The following PRELID2 variants were observed in gnomAD, a reference collection of about 807,000 sequenced individuals.
The protein encoded by PRELID2 is PRELI domain-containing protein 2.
Under a neutral mutation model 28.4 loss-of-function variants are expected in PRELID2, and 25 were observed. That is an observed-to-expected ratio of 0.88 (90% confidence interval 0.64 to 1.23). The LOEUF (loss-of-function observed/expected upper bound fraction) is 1.23. Among genes scored for constraint, PRELID2 ranks in the 50% most tolerant of loss-of-function variants. PRELID2 has a pLI of 0.00. For missense variants in PRELID2, 201 were observed against 214.4 expected (o/e 0.94, Z 0.39); for synonymous variants, 76 against 71.6 (o/e 1.06, Z -0.31).
chr5:145,238,122 G>T, the PRELID2 span, among the ~76,000 whole-genome samples: 3 of 152,040 alleles, frequency 2.0e-5, no homozygotes, highest in South Asian at 4.2e-4. Flanking sequence ...TAACAAGTTT[G>T]GTTCCCCAAG....
chr5:145,647,968 G>C (rs540443849), intron 1 of PRELID2, among the ~76,000 whole-genome samples: 307 of 152,310 alleles, frequency 2.0e-3, no homozygotes, highest in African/African-American at 6.9e-3. Context: ...CTGTAGACCA[G>C]AGCTGTTCCT....
chr5:145,763,160 A>G (rs1389975609), intron 6 of PRELID2, among the ~76,000 whole-genome samples: 1 of 152,240 alleles, frequency 6.6e-6, no homozygotes, highest in Admixed American at 6.5e-5. Context: ...GAGACCCCTC[A>G]TTCCCTCATT....
intron 1 of PRELID2, among the ~76,000 whole-genome samples, chr5:145,667,777 A>G (rs1409808683): frequency 6.6e-6 from 1 of 152,040 alleles, no homozygotes; most frequent in Non-Finnish European, 1.5e-5. Flanking sequence ...TATCAATATA[A>G]ACCCACTAGC....
intron 1 of PRELID2, among the ~76,000 whole-genome samples, chr5:145,623,414 C>T (rs1357847520): frequency 6.6e-6 from 1 of 151,292 alleles, no homozygotes; most frequent in Non-Finnish European, 1.5e-5. Flanking sequence ...TGCCACTGCA[C>T]TCCAGCCTGG....
At chr5:145,497,355 T>C (rs989723650) in intron 1 of PRELID2, among the ~76,000 whole-genome samples, 3 of 152,166 alleles carry the variant, frequency 2.0e-5, no homozygotes, top group Non-Finnish European at 4.4e-5. Context: ...AACTACCACA[T>C]GTAACGTTAT....
chr5:145,299,675 GTA>G, the PRELID2 span, among the ~76,000 whole-genome samples: 5 of 147,102 alleles, frequency 3.4e-5, no homozygotes. Flanking sequence ...GTGTGTGTGT[GTA>G]ATATAAAATA....
At chr5:145,410,791 T>G in the PRELID2 span, among the ~76,000 whole-genome samples, 6 of 152,042 alleles carry the variant, frequency 3.9e-5, no homozygotes, top group Non-Finnish European at 8.8e-5. Flanking sequence ...CTCCCGAATC[T>G]CATGTCCTTA....
the PRELID2 span, among the ~76,000 whole-genome samples, chr5:145,339,149 C>A: frequency 1.3e-5 from 2 of 152,178 alleles, no homozygotes; most frequent in Non-Finnish European, 2.9e-5. Flanking sequence ...AGATGGCTGA[C>A]TAGATGCAGC....
At chr5:145,442,858 A>G in the PRELID2 span, among the ~76,000 whole-genome samples, 5 of 152,062 alleles carry the variant, frequency 3.3e-5, no homozygotes, top group Non-Finnish European at 5.9e-5. Flanking sequence ...CAAGCAATCC[A>G]TGGAAACAGG....
chr5:145,785,641 T>C (rs1305524785), intron 5 of PRELID2, among the ~76,000 whole-genome samples: 1 of 152,218 alleles, frequency 6.6e-6, no homozygotes, highest in East Asian at 1.9e-4. Flanking sequence ...ATGTTAAAAT[T>C]GCAAATTTTC....
Position 145,835,164 on chromosome 5 carries a change from A to G in PRELID2, c.75+13T>C. The G allele has an allele frequency of 6.5e-7, 1 of 1,540,006 alleles. No individual in the cohort carries two copies. The highest frequency in any genetic ancestry group is 8.8e-7 in the Non-Finnish European group (1 of 1,137,842). ...GGCAGCGCGGGATACGGAAGGTGGAAGCGGGGCGGTACCTTTCGGAGAAAG... is the reference window on the plus strand; with the variant it reads ...GGCAGCGCGGGATACGGAAGGTGGAGGCGGGGCGGTACCTTTCGGAGAAAG... On this transcript the variant is annotated intron_variant, in intron 1 of 6. Coordinates refer to ENST00000683046, the MANE Select transcript of PRELID2 (RefSeq NM_205846.3).
At chr5:145,342,239 C>T in the PRELID2 span, among the ~76,000 whole-genome samples, 2 of 152,042 alleles carry the variant, frequency 1.3e-5, no homozygotes, top group African/African-American at 4.8e-5. Flanking sequence ...AGACATTCCC[C>T]ACAAAAAAAG....
the PRELID2 span, among the ~76,000 whole-genome samples, chr5:145,412,047 T>C: frequency 6.6e-6 from 1 of 151,982 alleles, no homozygotes; most frequent in Non-Finnish European, 1.5e-5. Flanking sequence ...CAGAAAACCA[T>C]TTTTCTCTCC....
At chr5:145,463,460 T>A in the PRELID2 span, among the ~76,000 whole-genome samples, 3 of 152,104 alleles carry the variant, frequency 2.0e-5, no homozygotes, top group African/African-American at 7.2e-5. Context: ...ATTAATTTTA[T>A]AGAATTCTAT....
the PRELID2 span, among the ~76,000 whole-genome samples, chr5:145,369,895 G>A: frequency 8.6e-5 from 13 of 150,702 alleles, no homozygotes; most frequent in South Asian, 2.1e-4. Context: ...TTTTTTTCAC[G>A]TTTGTTCGCT....
the PRELID2 span, among the ~76,000 whole-genome samples, chr5:145,457,189 C>G: frequency 6.6e-6 from 1 of 152,100 alleles, no homozygotes; most frequent in Admixed American, 6.6e-5. Flanking sequence ...GAGCTTACTT[C>G]AAGTTTACAT....
the PRELID2 span, among the ~76,000 whole-genome samples, chr5:145,389,694 T>A: frequency 6.6e-6 from 1 of 151,948 alleles, no homozygotes; most frequent in African/African-American, 2.4e-5. Flanking sequence ...GCATACAAAT[T>A]TGGAAGGAAA....
At chr5:145,252,464 T>TA in the PRELID2 span, among the ~76,000 whole-genome samples, 1 of 152,154 alleles carries the variant, frequency 6.6e-6, no homozygotes, top group Non-Finnish European at 1.5e-5. Flanking sequence ...TTTTTCAAAT[T>TA]AAAAATTCTT....
At chr5:145,528,462 G>A (rs1324385392) in intron 1 of PRELID2, among the ~76,000 whole-genome samples, 1 of 152,026 alleles carries the variant, frequency 6.6e-6, no homozygotes, top group Non-Finnish European at 1.5e-5. Flanking sequence ...ACAGAGAGCA[G>A]GTTTCTTTTC....
Sources: gnomAD v4.1 joint callset for allele counts (sites outside exome capture counted in the v4.1 genomes callset) on GRCh38, gnomAD v4.1.1 for gene constraint, MANE v1.5 for transcripts, NCBI Gene and HGNC (gene_info 2026-07-23, HGNC 2026-07-21) for gene names.